SUMF2: variants seen among roughly 807,000 people sequenced by gnomAD.
SUMF2 encodes sulfatase modifying factor 2.
A neutral mutation model predicts 44.8 loss-of-function variants in SUMF2; 45 were observed. The ratio of observed to expected loss-of-function variants is 1.00; its 90% CI spans 0.79 to 1.29. SUMF2 has a LOEUF of 1.29. SUMF2 is among the 50% of genes most tolerant of loss of function. SUMF2 has a pLI of 0.00. For synonymous variants in SUMF2, 148 were observed against 150.4 expected, an observed-to-expected ratio of 0.98 and a Z score of 0.12; for missense variants, 418 against 389.9, an observed-to-expected ratio of 1.07 and a Z score of -0.61.
the SUMF2 span, among the ~76,000 whole-genome samples, chr7:56,085,756 G>A: frequency 6.6e-6 from 1 of 151,766 alleles, no homozygotes; most frequent in Admixed American, 6.6e-5. Flanking sequence ...CTTGAGGTCA[G>A]GAGTTCGAGA....
downstream of SUMF2, chr7:56,084,040 T>G: frequency 1.4e-5 from 9 of 656,652 alleles, no homozygotes; most frequent in South Asian, 1.7e-4. Context: ...TAGGCATTTC[T>G]TCAGCTAAGT....
At position 56,064,364 on chromosome 7, in the gene SUMF2, C is replaced by G. The variant is rs752547623; in HGVS notation, c.53C>G (p.Ala18Gly). Residue 18 changes from alanine (A) to glycine (G), a missense_variant, in exon 1 of 9, where the codon GCG becomes GGG. Physicochemically the swap from Ala to Gly is moderately conservative, Grantham distance 60 (BLOSUM62 0). Transcript: ENST00000434526. The part of the protein sequence containing the change: ...LLPLLSLLVG[A>G]WLKLGNGQAT... ...CCCCTGCTGTCGCTCCTGGTCGGCG[C>G]GTGGCTCAAGCTAGGTCAGTGAACC... is the stretch of plus-strand genomic sequence containing the variant. The G allele has an allele frequency of 1.2e-6, 2 of 1,604,510 alleles. No individual in the cohort carries two copies. The highest frequency in any genetic ancestry group is 1.7e-5 in the Admixed American group (1 of 58,420).
chr7:56,064,707 C>T (rs1794633109), intron 1 of SUMF2, among the ~76,000 whole-genome samples: 1 of 147,952 alleles, frequency 6.8e-6, no homozygotes, highest in African/African-American at 2.5e-5. Flanking sequence ...CCTGTCTCTA[C>T]AAAAATACAA....
At chr7:56,075,713 A>AG (rs1795496067) in intron 5 of SUMF2, among the ~76,000 whole-genome samples, 6 of 151,800 alleles carry the variant, frequency 4.0e-5, no homozygotes. Flanking sequence ...AAAAAAAAAA[A>AG]GAATCACTGT....
chr7:56,082,508 G>T (rs1420202774), downstream of SUMF2, among the ~76,000 whole-genome samples: 1 of 152,034 alleles, frequency 6.6e-6, no homozygotes, highest in Admixed American at 6.6e-5. Flanking sequence ...CAGGAGAATC[G>T]CTTGAACCTG....
At position 56,064,307 on chromosome 7, in the gene SUMF2, T is replaced by G. The variant is rs763512771; in HGVS notation, c.-5T>G. The G allele has an allele frequency of 1.3e-6, 2 of 1,588,934 alleles. No homozygotes were observed. Among genetic ancestry groups the G allele is most frequent in the Non-Finnish European group, 1.7e-6 (2 of 1,167,928 alleles). ...GGGTGTACGCGGCGCAGCGCGGCAG[T>G]CCTGATGGCCCGGCATGGGTTACCG... On this transcript the variant is annotated 5_prime_UTR_variant, in exon 1 of 9. Coordinates refer to ENST00000434526, the MANE Select transcript of SUMF2 (RefSeq NM_015411.4).
intron 5 of SUMF2, 192 bp from the exon 6 acceptor site, chr7:56,076,642 G>A (rs781180311): frequency 2.4e-5 from 12 of 490,456 alleles, no homozygotes; most frequent in Non-Finnish European, 3.6e-5. Context: ...TGGAGCACAT[G>A]AGGAGGCCAG....
chr7:56,082,904 G>A (rs1247455728), downstream of SUMF2, among the ~76,000 whole-genome samples: 2 of 152,070 alleles, frequency 1.3e-5, no homozygotes, highest in East Asian at 3.9e-4. Context: ...TCAGGAGTTC[G>A]AGACCAGCCT....
intron 1 of SUMF2, among the ~76,000 whole-genome samples, chr7:56,068,280 C>G (rs1794942954): frequency 6.6e-6 from 1 of 151,962 alleles, no homozygotes; most frequent in Non-Finnish European, 1.5e-5. Flanking sequence ...CGTCATCTAC[C>G]CGCCTCGGCC....
intron 6 of SUMF2, 108 bp downstream of exon 6, chr7:56,076,997 T>C: frequency 1.0e-6 from 1 of 1,001,676 alleles, no homozygotes; most frequent in South Asian, 1.7e-5. Context: ...CTAATGCAAC[T>C]GATGACTCAT....
chr7:56,067,669 G>T (rs998458051), intron 1 of SUMF2, among the ~76,000 whole-genome samples: 3 of 152,030 alleles, frequency 2.0e-5, no homozygotes, highest in African/African-American at 7.2e-5. Flanking sequence ...GAGGTGGAAG[G>T]ATCATTTGAG....
chr7:56,074,874 G>T lies in SUMF2; in HGVS notation c.535+138G>T. 2.8e-6 allele frequency: 3 copies of T among 1,090,762 alleles called. No homozygotes were observed. The South Asian group carries it at 4.5e-5, about 17-fold the overall frequency. The allele number at this position is 1,090,762 out of a possible 1,614,324, so 67.6% of individuals were successfully genotyped here. On this transcript the variant is annotated intron_variant, in intron 5 of 8. Transcript: ENST00000434526. Reference sequence around the variant, plus strand: ...ACACTTTGGGAGGCTGGGGCAGGAGGATCGCTTGAGGCCAGGAGTAAAAGA... The same window carrying T: ...ACACTTTGGGAGGCTGGGGCAGGAGTATCGCTTGAGGCCAGGAGTAAAAGA...
chr7:56,073,231 G>A lies in SUMF2; in HGVS notation c.339+120G>A, dbSNP rs1375361418. ...CAGACCTGAGAGGTGGAGGCAGAGGGGAAGCAAGAGAAACTCACCATGGAG... is the reference window on the plus strand; with the variant it reads ...CAGACCTGAGAGGTGGAGGCAGAGGAGAAGCAAGAGAAACTCACCATGGAG... On this transcript the variant is annotated intron_variant, in intron 3 of 8. Transcript: ENST00000434526. 7.7e-6 allele frequency: 6 copies of A among 780,816 alleles called. No individual in the cohort carries two copies. In the South Asian group the frequency reaches 8.7e-5, roughly 11 times the overall value. The allele number at this position is 780,816 out of a possible 1,614,324, so 48.4% of individuals were successfully genotyped here.
At chr7:56,081,012 C>T (rs369534140), downstream of SUMF2, 39 of 1,606,088 alleles carry the variant, frequency 2.4e-5, no homozygotes, top group Middle Eastern at 6.7e-4. The surrounding 1 kb of genome is among the most constrained non-coding windows in gnomAD (Gnocchi z 4.6). Flanking sequence ...CATGGCTTCC[C>T]CTCCCCACCT....
intron 2 of SUMF2, among the ~76,000 whole-genome samples, chr7:56,070,847 C>A (rs543284514): frequency 2.0e-4 from 30 of 152,194 alleles, no homozygotes; most frequent in Admixed American, 3.3e-4. Context: ...CTAATGGCAA[C>A]AACATGGATG....
intron 8 of SUMF2, chr7:56,078,817 A>G: frequency 2.3e-6 from 1 of 433,540 alleles, no homozygotes; most frequent in Middle Eastern, 5.9e-4. Context: ...GGGCAAAGGG[A>G]GGGAAGTAGA....
chr7:56,087,037 T>G, the SUMF2 span: 1 of 1,610,968 alleles, frequency 6.2e-7, no homozygotes, highest in South Asian at 1.1e-5. Flanking sequence ...GAAATGGAAA[T>G]GGCTAGCTTG....
chr7:56,074,672 T>G lies in SUMF2; in HGVS notation c.471T>G (p.Ala157=). 1 of 1,614,164 alleles carries G rather than the reference T, an allele frequency of 6.2e-7. No individual in the cohort carries two copies. Among genetic ancestry groups the G allele is most frequent in the Non-Finnish European group, 8.5e-7 (1 of 1,180,024 alleles). Residue 157 remains alanine (A), a synonymous_variant, in exon 5 of 9, where the codon GCT becomes GCG. Coordinates refer to ENST00000434526, the MANE Select transcript of SUMF2 (RefSeq NM_015411.4). ...VSWNDARAYC[A]WRGKRLPTEE... is the part of the protein sequence containing the mutation. ...GGAATGACGCCCGTGCCTACTGTGC[T>G]TGGCGGGGAAAACGACTGCCCACGG...
At chr7:56,080,763 T>C (rs963798472), downstream of SUMF2, 7 of 453,372 alleles carry the variant, frequency 1.5e-5, no homozygotes, top group African/African-American at 9.8e-5. Context: ...GAAATGGAGA[T>C]GGTGGCTCAT....
Sources: allele counts gnomAD v4.1 joint callset (sites outside exome capture counted in the v4.1 genomes callset), GRCh38; gene constraint gnomAD v4.1.1; non-coding constraint Gnocchi (gnomAD v3.1); transcripts MANE v1.5; gene names NCBI Gene and HGNC (gene_info 2026-07-23, HGNC 2026-07-21).